RSU1: variants seen among roughly 807,000 people sequenced by gnomAD.
RSU1 encodes the protein rsu-1.
RSU1 carries 26 observed loss-of-function variants against 31.1 expected under a neutral mutation model. The observed-to-expected ratio is 0.84, with a 90% CI of 0.61 to 1.16. The LOEUF is 1.16. Ranked by LOEUF, RSU1 falls within the 50% of genes most tolerant of loss-of-function variation. The pLI, the probability that RSU1 is intolerant of heterozygous loss-of-function variation, is 0.00. For missense variants in RSU1, 320 were observed against 339.1 expected (o/e 0.94, Z 0.44); for synonymous variants, 164 against 136.3 (o/e 1.20, Z -1.41).
Position 16,645,920 on chromosome 10 carries a change from G to GTATACATA in RSU1, c.731+49102_731+49103insTATGTATA. ...TATATACACATATATGTATATATATGTGTATATACACATATGTGTATATAT... is the reference window on the plus strand; with the variant it reads ...TATATACACATATATGTATATATATGTATACATATGTATATACACATATGTGTATATAT... On this transcript the variant is annotated intron_variant, in intron 8 of 8. Transcript: ENST00000345264. 1.0e-4 allele frequency among the ~76,000 whole-genome samples: 2 copies of GTATACATA among 20,028 alleles called. 1 individual carries two copies. Among genetic ancestry groups the GTATACATA allele is most frequent in the South Asian group, 4.5e-3 (2 of 446 alleles). The allele number at this position is 20,028 out of a possible 152,430, so 13.1% of individuals were successfully genotyped here. A position where few individuals can be genotyped will look rare whatever the true frequency, so the allele number is the denominator to read the frequency against.
chr10:16,792,883 G>T (rs542199904), intron 2 of RSU1, among the ~76,000 whole-genome samples: 1 of 152,312 alleles, frequency 6.6e-6, no homozygotes, highest in Admixed American at 6.5e-5. Context: ...CTGGCCAGAT[G>T]TCAGCACCGG....
intron 8 of RSU1, among the ~76,000 whole-genome samples, chr10:16,671,492 A>C (rs1422490888): frequency 1.3e-5 from 2 of 152,166 alleles, no homozygotes; most frequent in East Asian, 3.9e-4. Flanking sequence ...TCTGTTGTCC[A>C]GGCTGGAGTA....
chr10:16,702,086 G>A (rs1564323479), intron 7 of RSU1, among the ~76,000 whole-genome samples: 1 of 152,218 alleles, frequency 6.6e-6, no homozygotes, highest in African/African-American at 2.4e-5. Context: ...TGGTGGATCT[G>A]GCTCCTGATC....
chr10:16,742,565 T>C (rs1439820574), intron 7 of RSU1, among the ~76,000 whole-genome samples: 4 of 151,766 alleles, frequency 2.6e-5, no homozygotes, highest in African/African-American at 9.7e-5. Context: ...ATTATATATG[T>C]ATTGAGGTGA....
At chr10:16,738,873 C>G (rs974145874) in intron 7 of RSU1, among the ~76,000 whole-genome samples, 9 of 151,732 alleles carry the variant, frequency 5.9e-5, no homozygotes, top group Non-Finnish European at 1.2e-4. Flanking sequence ...CCCCACCCCC[C>G]CAGCGGACCC....
At chr10:16,711,464 T>C (rs968787397) in intron 7 of RSU1, among the ~76,000 whole-genome samples, 1 of 152,220 alleles carries the variant, frequency 6.6e-6, no homozygotes, top group African/African-American at 2.4e-5. Flanking sequence ...TCTAGTTCCT[T>C]GTGGTACGTC....
intron 5 of RSU1, among the ~76,000 whole-genome samples, chr10:16,754,323 G>C (rs1449786204): frequency 6.6e-6 from 1 of 152,118 alleles, no homozygotes; most frequent in Non-Finnish European, 1.5e-5. Flanking sequence ...GTTTGCATAT[G>C]AAAGAATAAA....
intron 7 of RSU1, among the ~76,000 whole-genome samples, chr10:16,747,250 A>G (rs1226799709): frequency 6.6e-6 from 1 of 152,090 alleles, no homozygotes; most frequent in Non-Finnish European, 1.5e-5. Flanking sequence ...CACACAAGGG[A>G]TCTCATCCAA....
At chr10:16,665,822 G>A (rs1834978702) in intron 8 of RSU1, among the ~76,000 whole-genome samples, 1 of 152,148 alleles carries the variant, frequency 6.6e-6, no homozygotes, top group Non-Finnish European at 1.5e-5. Context: ...TTCTATTACA[G>A]TGCTATGATA....
intron 8 of RSU1, among the ~76,000 whole-genome samples, chr10:16,660,794 G>A (rs992202456): frequency 2.6e-5 from 4 of 151,482 alleles, no homozygotes; most frequent in Admixed American, 1.3e-4. Flanking sequence ...TTACAGGCAC[G>A]TACCACTACG....
intron 2 of RSU1, among the ~76,000 whole-genome samples, chr10:16,782,428 C>G (rs1837673234): frequency 6.6e-6 from 1 of 152,174 alleles, no homozygotes; most frequent in Non-Finnish European, 1.5e-5. Context: ...GTCAGAAAGA[C>G]CAGCCAAGGG....
At chr10:16,616,411 G>T (rs1554759224) in intron 8 of RSU1, among the ~76,000 whole-genome samples, 1 of 149,050 alleles carries the variant, frequency 6.7e-6, no homozygotes, top group Non-Finnish European at 1.5e-5. Context: ...GGACCAGATG[G>T]ATTCACAGCC....
At chr10:16,656,352 T>C (rs1005524868) in intron 8 of RSU1, among the ~76,000 whole-genome samples, 5 of 152,224 alleles carry the variant, frequency 3.3e-5, no homozygotes, top group Non-Finnish European at 7.4e-5. Flanking sequence ...AATGGCTGCC[T>C]AGGATTCAAT....
At chr10:16,817,251 G>T (rs975266050) in intron 1 of RSU1, 64 bp downstream of exon 1, 15 of 602,262 alleles carry the variant, frequency 2.5e-5, no homozygotes, top group African/African-American at 3.7e-5. Context: ...GAGTGGGAAG[G>T]GTTCAGCCCC....
At chr10:16,788,210 A>G (rs1325534326) in intron 2 of RSU1, among the ~76,000 whole-genome samples, 1 of 152,250 alleles carries the variant, frequency 6.6e-6, no homozygotes, top group Non-Finnish European at 1.5e-5. Flanking sequence ...CAGGAGTTAC[A>G]CAAAACAGGA....
intron 7 of RSU1, among the ~76,000 whole-genome samples, chr10:16,698,882 A>G (rs1292040802): frequency 6.6e-6 from 1 of 152,210 alleles, no homozygotes; most frequent in Admixed American, 6.5e-5. Flanking sequence ...CAAGGAGGGT[A>G]CAGATGACTG....
rs1300626979 is a variant in RSU1 at position 16,794,446 on chromosome 10, CTCT to C, written c.110-12365_110-12363del. Among the ~76,000 whole-genome samples the C allele has an allele frequency of 3.9e-5, 6 of 152,160 alleles. No individual in the cohort carries two copies. The South Asian group carries it at 8.3e-4, about 21-fold the overall frequency. ...ATTTCTAACTACCTTCCTCCTCTGTCTCTTCTTTTTTCTTTTTAGCTTGTTTGT... is the reference window on the plus strand; with the variant it reads ...ATTTCTAACTACCTTCCTCCTCTGTCTCTTTTTTCTTTTTAGCTTGTTTGT... On this transcript the variant is annotated intron_variant, in intron 2 of 8. Coordinates refer to ENST00000345264, the MANE Select transcript of RSU1 (RefSeq NM_012425.4).
intron 8 of RSU1, among the ~76,000 whole-genome samples, chr10:16,643,716 T>C (rs1247722953): frequency 2.0e-5 from 3 of 152,164 alleles, no homozygotes; most frequent in African/African-American, 4.8e-5. Flanking sequence ...ACTTGGAACA[T>C]GGTTCTCCAA....
At chr10:16,802,263 T>A (rs1838172710) in intron 2 of RSU1, among the ~76,000 whole-genome samples, 1 of 150,336 alleles carries the variant, frequency 6.7e-6, no homozygotes, top group Admixed American at 6.6e-5. Context: ...ATTTCATGGA[T>A]GTTAAAGGGA....
Sources: gnomAD v4.1 joint callset for allele counts (sites outside exome capture counted in the v4.1 genomes callset) on GRCh38, gnomAD v4.1.1 for gene constraint, MANE v1.5 for transcripts, NCBI Gene and HGNC (gene_info 2026-07-23, HGNC 2026-07-21) for gene names.